The following THADA variants were observed in gnomAD, a reference collection of about 807,000 sequenced individuals.
The protein encoded by THADA is tRNA (32-2'-O)-methyltransferase regulator THADA.
In THADA, 213 loss-of-function variants were observed where a neutral mutation model predicts 219.8. The observed-to-expected ratio is 0.97, with a 90% CI of 0.87 to 1.09. THADA has a LOEUF of 1.09. Among genes scored for constraint, THADA ranks in the 50% least tolerant of loss-of-function variants. THADA has a pLI of 0.00. For synonymous variants in THADA, 1,018 were observed against 828.9 expected (o/e 1.23, Z -3.92); for missense variants, 2,956 against 2,311.3 (o/e 1.28, Z -5.72).
rs146022706 is a variant in THADA at position 43,258,818 on chromosome 2, C to T, written c.5296+20947G>A. Among the ~76,000 whole-genome samples the T allele has an allele frequency of 2.2e-3, 341 of 152,250 alleles. 2 individuals carry two copies. The highest frequency in any genetic ancestry group is 8.0e-3 in the African/African-American group (331 of 41,542). ...ACCCTCAAGTTTTCTCATCCATTGG[C>T]TGTTTATTTCCAGCTGTTCTCCTCC... On this transcript the variant is annotated intron_variant, in intron 36 of 37. Transcript: ENST00000405975.
intron 32 of THADA, 144 bp from the exon 33 acceptor site, chr2:43,292,366 T>C: frequency 3.5e-6 from 2 of 574,790 alleles, no homozygotes; most frequent in South Asian, 5.0e-5. Flanking sequence ...CCATAATACC[T>C]TTGGGAGACT....
At chr2:43,256,544 T>G (rs1020017834) in intron 36 of THADA, among the ~76,000 whole-genome samples, 21 of 151,804 alleles carry the variant, frequency 1.4e-4, no homozygotes, top group African/African-American at 4.6e-4. Context: ...CCGAAGTAGC[T>G]GGAACCACAG....
chr2:43,417,509 T>G (rs186241808), intron 28 of THADA, among the ~76,000 whole-genome samples: 77 of 152,344 alleles, frequency 5.1e-4, no homozygotes, highest in Non-Finnish European at 1.8e-4. Context: ...TTAAGCTTTA[T>G]TGCAAGTTTT....
intron 29 of THADA, among the ~76,000 whole-genome samples, chr2:43,353,437 G>A (rs533540105): frequency 1.3e-5 from 2 of 152,152 alleles, no homozygotes; most frequent in South Asian, 2.1e-4. Flanking sequence ...GATTAGTGAT[G>A]TTGAGCACTA....
intron 29 of THADA, among the ~76,000 whole-genome samples, chr2:43,383,741 A>G (rs564949254): frequency 6.6e-6 from 1 of 152,284 alleles, no homozygotes; most frequent in South Asian, 2.1e-4. Context: ...TTGAGTGACA[A>G]GGTTCTCTAA....
chr2:43,327,030 G>A (rs1679412401), intron 30 of THADA, among the ~76,000 whole-genome samples: 1 of 152,136 alleles, frequency 6.6e-6, no homozygotes, highest in African/African-American at 2.4e-5. Context: ...AAAAGGTTAT[G>A]GCTTTGCAGA....
intron 21 of THADA, among the ~76,000 whole-genome samples, chr2:43,532,041 G>T (rs1693941508): frequency 6.6e-6 from 1 of 151,150 alleles, no homozygotes; most frequent in Non-Finnish European, 1.5e-5. Context: ...GGTTCCTACT[G>T]TCACAACTTC....
Position 43,572,944 on chromosome 2 carries a change from G to T in THADA, c.1778C>A (p.Ala593Asp). The change falls in exon 12 of 38, where the codon GCT becomes GAT. Residue 593 changes from alanine (A) to aspartate (D), a missense_variant. Physicochemically the swap from Ala to Asp is moderately radical, Grantham distance 126. Transcript: ENST00000405975. ...PSLGSCNSRG[A>D]LGALMACLRI... ...CAGACATGCCATCAAAGCTCCCAGA[G>T]CCCCCCTGCTATTACAAGACCCTAA... 1 of 1,613,832 alleles carries T rather than the reference G, an allele frequency of 6.2e-7. No individual in the cohort carries two copies. Among genetic ancestry groups the T allele is most frequent in the Non-Finnish European group, 8.5e-7 (1 of 1,179,844 alleles).
At chr2:43,241,715 C>T (rs1483415257) in intron 36 of THADA, among the ~76,000 whole-genome samples, 4 of 152,002 alleles carry the variant, frequency 2.6e-5, no homozygotes, top group Admixed American at 1.3e-4. Context: ...TGGAGCAGAG[C>T]GGTGGCCACG....
At chr2:43,285,908 A>C (rs1673945138) in intron 35 of THADA, among the ~76,000 whole-genome samples, 1 of 152,174 alleles carries the variant, frequency 6.6e-6, no homozygotes, top group Admixed American at 6.5e-5. Flanking sequence ...TCAACTTAAA[A>C]ATCACTGAAT....
In THADA at chr2:43,231,308, G is replaced by C; in HGVS notation, c.5502C>G (p.Val1834=). ...AGATCAGGGTCTCGGCCCAAAAGTT[G>C]ACTTCTGCTTTTTCAAACAGGTAGT... The part of the protein sequence containing the change: ...EEDYLFEKAE[V]NFWAETLIFV... Residue 1834 remains valine (V), a synonymous_variant, in exon 38 of 38, where the codon GTC becomes GTG. Transcript: ENST00000405975. 1.9e-6 allele frequency: 3 copies of C among 1,570,268 alleles called. No homozygotes were observed. The highest frequency in any genetic ancestry group is 2.6e-6 in the Non-Finnish European group (3 of 1,162,548).
rs371000322 is a variant in THADA at position 43,541,270 on chromosome 2, T to A, written c.3153A>T (p.Val1051=). 6.2e-7 allele frequency: 1 copy of A among 1,613,256 alleles called. No individual in the cohort carries two copies. Among genetic ancestry groups the A allele is most frequent in the African/African-American group, 1.3e-5 (1 of 74,874 alleles). The change falls in exon 21 of 38, where the codon GTA becomes GTT. Residue 1051 remains valine, a synonymous_variant. Transcript: ENST00000405975. ...TCDVTAQMVL[V]CCWRSMKEVA... The stretch of plus-strand genomic sequence containing the variant: ...CTTCCTTCATACTTCTCCAACAACA[T>A]ACCAGCACCATCTGCGCAGTTACAT...
chr2:43,277,945 A>C (rs1672909777), intron 36 of THADA, among the ~76,000 whole-genome samples: 1 of 143,080 alleles, frequency 7.0e-6, no homozygotes, highest in South Asian at 2.3e-4. Context: ...ACAAGACAAT[A>C]TTGTTCTTTT....
At chr2:43,232,630 C>T in intron 37 of THADA, 83 bp downstream of exon 37, 3 of 1,450,234 alleles carry the variant, frequency 2.1e-6, no homozygotes, top group Admixed American at 3.9e-5. Context: ...ATGCAAAAGC[C>T]CAGCTGAGGC....
chr2:43,370,903 C>T (rs1372060353), intron 29 of THADA, among the ~76,000 whole-genome samples: 1 of 152,198 alleles, frequency 6.6e-6, no homozygotes, highest in Non-Finnish European at 1.5e-5. Flanking sequence ...CTAACAATAA[C>T]AAGTTAATGT....
chr2:43,536,806 CT>C lies in THADA; in HGVS notation c.3264+4352del, dbSNP rs1170582907. The stretch of plus-strand genomic sequence containing the variant: ...TAACGCAAAGTAATTAAACACAGTT[CT>C]TTTACTTGTGAAATGGAGCTAACAC... On this transcript the variant is annotated intron_variant, in intron 21 of 37. Coordinates refer to ENST00000405975, the MANE Select transcript of THADA (RefSeq NM_022065.5). Among the ~76,000 whole-genome samples, 4 of 152,112 alleles carry C rather than the reference CT, an allele frequency of 2.6e-5. 1 individual carries two copies. The highest frequency in any genetic ancestry group is 1.3e-4 in the Admixed American group (2 of 15,278).
intron 36 of THADA, among the ~76,000 whole-genome samples, chr2:43,242,855 G>T (rs1668758652): frequency 6.6e-6 from 1 of 152,180 alleles, no homozygotes; most frequent in African/African-American, 2.4e-5. Flanking sequence ...ATGGATGGAT[G>T]GATGAACAGA....
intron 26 of THADA, among the ~76,000 whole-genome samples, chr2:43,457,133 T>TACACACAC (rs35803641): frequency 7.9e-5 from 10 of 126,256 alleles, no homozygotes; most frequent in East Asian, 2.6e-4. Flanking sequence ...TTAGGATATC[T>TACACACAC]ACACACACAC....
intron 28 of THADA, among the ~76,000 whole-genome samples, chr2:43,425,941 G>C (rs1036859092): frequency 6.6e-6 from 1 of 152,120 alleles, no homozygotes; most frequent in Non-Finnish European, 1.5e-5. Context: ...CTTGTATTTT[G>C]GTTGGTGGCA....
Sources: gnomAD v4.1 joint callset for allele counts (sites outside exome capture counted in the v4.1 genomes callset) on GRCh38, gnomAD v4.1.1 for gene constraint, MANE v1.5 for transcripts, NCBI Gene and HGNC (gene_info 2026-07-23, HGNC 2026-07-21) for gene names.